The following SDCCAG8 variants were observed in gnomAD, a reference collection of about 807,000 sequenced individuals.
SDCCAG8 encodes serologically defined colon cancer antigen 8.
A neutral mutation model predicts 101.8 loss-of-function variants in SDCCAG8; 74 were observed. That is an observed-to-expected ratio of 0.73 (90% CI 0.60 to 0.88). The LOEUF (loss-of-function observed/expected upper bound fraction) is 0.88. Among genes scored for constraint, SDCCAG8 ranks in the 40% least tolerant of loss-of-function variants. The pLI is 0.00. For missense variants in SDCCAG8, 787 were observed against 822.6 expected (o/e 0.96, Z 0.53); for synonymous variants, 281 against 292.9 (o/e 0.96, Z 0.41).
intron 16 of SDCCAG8, among the ~76,000 whole-genome samples, chr1:243,460,792 G>A (rs1658925764): frequency 1.3e-5 from 2 of 152,142 alleles, no homozygotes; most frequent in East Asian, 1.9e-4. Flanking sequence ...TCTGTTTGTT[G>A]CACCCCTGAC....
In SDCCAG8 at chr1:243,274,612, TC is replaced by T; in HGVS notation, c.377del (p.Ser126PhefsTer7). ...CCTTGTTCATACTATTAATGACCAG[TC>T]TCAATATATTCATCATTTAGAGGCA... ...HDLVHTINDQ[S>X]QYIHHLEAEV... On this transcript the variant is annotated frameshift_variant, in exon 4 of 18. Transcript: ENST00000366541. LOFTEE classifies it high-confidence loss of function. The T allele has an allele frequency of 6.2e-7, 1 of 1,611,368 alleles. No homozygotes were observed. The highest frequency in any genetic ancestry group is 8.5e-7 in the Non-Finnish European group (1 of 1,177,940).
At chr1:243,371,638 A>G (rs917802594) in intron 12 of SDCCAG8, among the ~76,000 whole-genome samples, 4 of 152,156 alleles carry the variant, frequency 2.6e-5, no homozygotes, top group Non-Finnish European at 5.9e-5. Flanking sequence ...AACCTTCTGC[A>G]TCTGCTACAG....
At chr1:243,441,349 C>G (rs1311960639) in intron 16 of SDCCAG8, among the ~76,000 whole-genome samples, 4 of 152,120 alleles carry the variant, frequency 2.6e-5, no homozygotes, top group African/African-American at 9.7e-5. Context: ...GTTTTCTAAC[C>G]AGCCCATGGT....
chr1:243,290,335 G>A (rs924621489), intron 5 of SDCCAG8, among the ~76,000 whole-genome samples: 7 of 151,870 alleles, frequency 4.6e-5, no homozygotes, highest in African/African-American at 1.7e-4. Flanking sequence ...ATCTGTGAAA[G>A]AACAAAATGT....
At chr1:243,279,308 G>A (rs372644639) in intron 4 of SDCCAG8, among the ~76,000 whole-genome samples, 8 of 152,194 alleles carry the variant, frequency 5.3e-5, no homozygotes, top group Admixed American at 2.6e-4. Context: ...GATGCCTCTC[G>A]ACTTAAAATG....
At chr1:243,492,627 T>TTTTTTA (rs1222752580) in intron 17 of SDCCAG8, among the ~76,000 whole-genome samples, 1 of 113,216 alleles carries the variant, frequency 8.8e-6, no homozygotes, top group Non-Finnish European at 1.9e-5. Context: ...TTTTTTTTTT[T>TTTTTTA]GATGAGTTTT....
chr1:243,394,392 C>T (rs191216278), intron 13 of SDCCAG8, among the ~76,000 whole-genome samples: 3 of 152,290 alleles, frequency 2.0e-5, no homozygotes, highest in South Asian at 2.1e-4. Flanking sequence ...AACAGAATCT[C>T]GCAAATTCAT....
At chr1:243,400,887 C>G (rs2079348813) in intron 13 of SDCCAG8, among the ~76,000 whole-genome samples, 4 of 152,126 alleles carry the variant, frequency 2.6e-5, no homozygotes, top group Admixed American at 2.6e-4. Flanking sequence ...TCAGACTGCA[C>G]TAGATTTTAT....
intron 16 of SDCCAG8, among the ~76,000 whole-genome samples, chr1:243,488,790 T>G (rs1052315089): frequency 6.6e-6 from 1 of 152,174 alleles, no homozygotes; most frequent in Non-Finnish European, 1.5e-5. Context: ...TAATTGATAG[T>G]GTACTGAGAT....
intron 16 of SDCCAG8, among the ~76,000 whole-genome samples, chr1:243,486,500 C>G (rs750071961): frequency 1.3e-5 from 2 of 152,180 alleles, no homozygotes; most frequent in Non-Finnish European, 1.5e-5. Flanking sequence ...TATAGCCTTC[C>G]CAGGCCCCCA....
chr1:243,402,966 AATAAGTTCTTCT>A (rs2079507133), intron 13 of SDCCAG8, among the ~76,000 whole-genome samples: 1 of 152,268 alleles, frequency 6.6e-6, no homozygotes, highest in East Asian at 1.9e-4. Context: ...ATCACATTAT[AATAAGTTCTTCT>A]ATATCTTACT....
chr1:243,281,833 A>G (rs2069082330), intron 4 of SDCCAG8, among the ~76,000 whole-genome samples: 1 of 151,858 alleles, frequency 6.6e-6, no homozygotes, highest in Non-Finnish European at 1.5e-5. Flanking sequence ...TTTTACAGAG[A>G]TGGGGTCTCA....
At chr1:243,381,706 T>C (rs545128806) in intron 13 of SDCCAG8, among the ~76,000 whole-genome samples, 1 of 152,360 alleles carries the variant, frequency 6.6e-6, no homozygotes, top group Admixed American at 6.5e-5. Context: ...TTAAGTACTT[T>C]GCTTGGTCCT....
intron 13 of SDCCAG8, among the ~76,000 whole-genome samples, chr1:243,380,198 T>C (rs2077853824): frequency 6.6e-6 from 1 of 152,228 alleles, no homozygotes; most frequent in Admixed American, 6.5e-5. Flanking sequence ...TGCTTAATAT[T>C]GCAGAATAAT....
At chr1:243,368,361 G>A (rs1291199648) in intron 12 of SDCCAG8, among the ~76,000 whole-genome samples, 4 of 152,018 alleles carry the variant, frequency 2.6e-5, no homozygotes, top group African/African-American at 9.7e-5. Context: ...AGGAATATAG[G>A]TCTACATTAG....
At chr1:243,330,486 C>T in intron 9 of SDCCAG8, 54 bp from the exon 10 acceptor site, 1 of 1,567,864 alleles carries the variant, frequency 6.4e-7, no homozygotes, top group Non-Finnish European at 8.8e-7. Flanking sequence ...TGTCATTTTA[C>T]CTATATTTTT....
chr1:243,463,957 T>C (rs1206282408), intron 16 of SDCCAG8, among the ~76,000 whole-genome samples: 1 of 152,120 alleles, frequency 6.6e-6, no homozygotes, highest in African/African-American at 2.4e-5. Flanking sequence ...GTAGGTGCCA[T>C]TGGCTAGAGA....
At chr1:243,473,100 G>T (rs1661575530) in intron 16 of SDCCAG8, among the ~76,000 whole-genome samples, 1 of 151,732 alleles carries the variant, frequency 6.6e-6, no homozygotes, top group Non-Finnish European at 1.5e-5. Context: ...GGGGTGTGGG[G>T]GGTGTGTCTG....
chr1:243,284,947 A>G (rs988411222), intron 4 of SDCCAG8, among the ~76,000 whole-genome samples: 1 of 151,452 alleles, frequency 6.6e-6, no homozygotes, highest in African/African-American at 2.4e-5. Flanking sequence ...CAGTGGCGTG[A>G]TCTTGGCTCA....
Sources: gnomAD v4.1 joint callset for allele counts (sites outside exome capture counted in the v4.1 genomes callset) on GRCh38, gnomAD v4.1.1 for gene constraint, MANE v1.5 for transcripts, NCBI Gene and HGNC (gene_info 2026-07-23, HGNC 2026-07-21) for gene names.